Variants in NCOA2 observed in about 807,000 individuals in gnomAD.
The protein encoded by NCOA2 is class E basic helix-loop-helix protein 75.
In NCOA2, 21 loss-of-function variants were observed where a neutral mutation model predicts 145.1. The ratio of observed to expected loss-of-function variants is 0.14; its 90% CI spans 0.10 to 0.21. The LOEUF (loss-of-function observed/expected upper bound fraction) is 0.21, where lower values mean the gene tolerates loss of function less well. Among genes scored for constraint, NCOA2 ranks in the 10% least tolerant of loss-of-function variants. NCOA2 has a pLI of 1.00. For missense variants in NCOA2, 1,472 were observed against 1,837.6 expected (o/e 0.80, Z 3.64); for synonymous variants, 619 against 637.5 (o/e 0.97, Z 0.44).
intron 4 of NCOA2, among the ~76,000 whole-genome samples, chr8:70,205,869 C>CTTAAGGAG (rs2133690613): frequency 6.6e-6 from 1 of 152,272 alleles, no homozygotes; most frequent in African/African-American, 2.4e-5. Context: ...CAAGGAGGAT[C>CTTAAGGAG]TTAAGGAGTA....
chr8:70,304,693 C>G (rs184709529), intron 1 of NCOA2, among the ~76,000 whole-genome samples: 1 of 150,998 alleles, frequency 6.6e-6, no homozygotes, highest in South Asian at 2.1e-4. Context: ...GACAGGGTTT[C>G]ACCATCTTGG....
At chr8:70,409,062 G>A in the NCOA2 span, among the ~76,000 whole-genome samples, 1 of 151,922 alleles carries the variant, frequency 6.6e-6, no homozygotes, top group African/African-American at 2.4e-5. Flanking sequence ...AACAGAAATG[G>A]GCAAAAGGAC....
chr8:70,153,891 T>A (rs1415488367), intron 11 of NCOA2, among the ~76,000 whole-genome samples: 1 of 152,244 alleles, frequency 6.6e-6, no homozygotes, highest in Admixed American at 6.5e-5. Flanking sequence ...GTTTATATAA[T>A]TTGGCTCCGC....
intron 4 of NCOA2, among the ~76,000 whole-genome samples, chr8:70,194,821 C>T (rs532627325): frequency 2.1e-4 from 32 of 152,090 alleles, no homozygotes; most frequent in African/African-American, 7.0e-4. Flanking sequence ...ACAGCTGATA[C>T]CATGCTTACC....
chr8:70,424,346 G>A, the NCOA2 span: 1 of 373,962 alleles, frequency 2.7e-6, no homozygotes, highest in African/African-American at 2.1e-5. Flanking sequence ...AACCAGTTGG[G>A]GATCTTGAAT....
At chr8:70,325,978 T>C (rs1280214257) in intron 1 of NCOA2, among the ~76,000 whole-genome samples, 1 of 152,142 alleles carries the variant, frequency 6.6e-6, no homozygotes, top group Non-Finnish European at 1.5e-5. Flanking sequence ...GCAGCTCAAA[T>C]GAGGCCACTA....
the NCOA2 span, among the ~76,000 whole-genome samples, chr8:70,445,927 C>A: frequency 6.6e-6 from 1 of 152,090 alleles, no homozygotes; most frequent in Non-Finnish European, 1.5e-5. Flanking sequence ...TCGGAGAGAG[C>A]ACAGAAAAAA....
the NCOA2 span, among the ~76,000 whole-genome samples, chr8:70,441,371 G>GAGAA: frequency 8.0e-6 from 1 of 124,556 alleles, no homozygotes; most frequent in Admixed American, 8.9e-5. Flanking sequence ...AGAAAGGAGA[G>GAGAA]AGAAAGAAAG....
chr8:70,289,427 A>T (rs1586382592), intron 2 of NCOA2, among the ~76,000 whole-genome samples: 1 of 152,296 alleles, frequency 6.6e-6, no homozygotes, highest in African/African-American at 2.4e-5. Flanking sequence ...GGTATCTTAA[A>T]AATTTCCCCA....
chr8:70,125,964 T>C (rs547530420), intron 19 of NCOA2, among the ~76,000 whole-genome samples: 1 of 152,320 alleles, frequency 6.6e-6, no homozygotes, highest in Admixed American at 6.5e-5. Context: ...TTGTAAAACA[T>C]GCATATTTAA....
rs1811355372 is a variant in NCOA2, at chr8:70,373,023, A to G, written c.-77+30677T>C. On this transcript the variant is annotated intron_variant, in intron 1 of 22. Transcript: ENST00000452400. Reference sequence around the variant, plus strand: ...TCAACCATTTACTCTACCCATGGACATTTGAGGTTTTATCCAGTTTGAGAA... The same window carrying G: ...TCAACCATTTACTCTACCCATGGACGTTTGAGGTTTTATCCAGTTTGAGAA... Among the ~76,000 whole-genome samples, 5 of 152,182 alleles carry G rather than the reference A, an allele frequency of 3.3e-5. No individual in the cohort carries two copies. In the South Asian group the frequency reaches 1.0e-3, roughly 31 times the overall value.
chr8:70,236,639 G>C (rs185971148), intron 2 of NCOA2, among the ~76,000 whole-genome samples: 2 of 151,922 alleles, frequency 1.3e-5, no homozygotes, highest in Non-Finnish European at 2.9e-5. Flanking sequence ...TTCTGTATTC[G>C]CAGATTCAGC....
intron 4 of NCOA2, among the ~76,000 whole-genome samples, chr8:70,187,308 C>T (rs1173023044): frequency 1.3e-5 from 2 of 152,182 alleles, no homozygotes; most frequent in Non-Finnish European, 2.9e-5. Context: ...CTTTCTATAA[C>T]CAAATCCTCT....
At chr8:70,444,074 ACAG>A in the NCOA2 span, among the ~76,000 whole-genome samples, 1 of 152,260 alleles carries the variant, frequency 6.6e-6, no homozygotes, top group African/African-American at 2.4e-5. Context: ...ACAAATGTTT[ACAG>A]CAGTTTTATT....
intron 10 of NCOA2, among the ~76,000 whole-genome samples, chr8:70,157,645 T>G (rs1812436958): frequency 6.6e-6 from 1 of 152,206 alleles, no homozygotes. Context: ...TTATAATTCC[T>G]AACAATAGAC....
At chr8:70,302,781 G>A (rs1037728081) in intron 1 of NCOA2, among the ~76,000 whole-genome samples, 1 of 152,042 alleles carries the variant, frequency 6.6e-6, no homozygotes, top group African/African-American at 2.4e-5. Context: ...TAGAGATTTA[G>A]ATATACAATT....
chr8:70,348,435 T>C (rs2136625113), intron 1 of NCOA2, among the ~76,000 whole-genome samples: 1 of 152,306 alleles, frequency 6.6e-6, no homozygotes. Flanking sequence ...AACTACGTAA[T>C]TTGGGGCTAA....
At chr8:70,413,102 A>G in the NCOA2 span, among the ~76,000 whole-genome samples, 1 of 151,416 alleles carries the variant, frequency 6.6e-6, no homozygotes, top group African/African-American at 2.4e-5. Context: ...CGTCTCAAAA[A>G]AAAAAAAAAA....
chr8:70,382,508 A>G (rs1482078397), intron 1 of NCOA2, among the ~76,000 whole-genome samples: 1 of 152,202 alleles, frequency 6.6e-6, no homozygotes, highest in Non-Finnish European at 1.5e-5. Context: ...AAGTTTGAAT[A>G]TCTGTTGCAC....
Sources: gnomAD v4.1 joint callset for allele counts (sites outside exome capture counted in the v4.1 genomes callset) on GRCh38, gnomAD v4.1.1 for gene constraint, MANE v1.5 for transcripts, NCBI Gene and HGNC (gene_info 2026-07-23, HGNC 2026-07-21) for gene names.